The following CCDC150 variants were observed in gnomAD, a reference collection of about 807,000 sequenced individuals.
CCDC150 encodes the protein coiled-coil domain-containing protein 150.
CCDC150 carries 151 observed loss-of-function variants against 156.5 expected under a neutral mutation model. The observed-to-expected ratio is 0.97, with a 90% CI of 0.85 to 1.10. CCDC150 has a LOEUF of 1.10. CCDC150 is among the 50% of genes least tolerant of loss of function. The pLI is 0.00. For missense variants in CCDC150, 1,312 were observed against 1,268.1 expected (o/e 1.03, Z -0.53); for synonymous variants, 452 against 429.4 (o/e 1.05, Z -0.65).
rs576010065 is a variant in CCDC150, at chr2:196,731,926, A to G, written c.3070-107A>G. On this transcript the variant is annotated intron_variant, in intron 26 of 27. Transcript: ENST00000389175. ...AATAGGTTGTGAAGAACAAGCAGTC[A>G]GAATTTGGGTCTTTTAATTTCTAAG... is the stretch of plus-strand genomic sequence containing the variant. 3.0e-6 allele frequency: 3 copies of G among 992,534 alleles called. No homozygotes were observed. The East Asian group carries it at 7.9e-5, about 26-fold the overall frequency. The allele number at this position is 992,534 out of a possible 1,614,324, so 61.5% of individuals were successfully genotyped here.
chr2:196,701,079 A>T, intron 14 of CCDC150, 30 bp from the exon 15 acceptor site: 1 of 1,480,918 alleles, frequency 6.8e-7, no homozygotes, highest in Non-Finnish European at 9.3e-7. Context: ...CTATGCCTAG[A>T]GGTTCTGATG....
intron 17 of CCDC150, among the ~76,000 whole-genome samples, chr2:196,713,870 A>T (rs937752460): frequency 6.6e-6 from 1 of 152,210 alleles, no homozygotes; most frequent in African/African-American, 2.4e-5. Flanking sequence ...TTAGACATAG[A>T]ACATTTGGCG....
chr2:196,666,752 C>T lies in CCDC150; in HGVS notation c.796C>T (p.Arg266Cys), dbSNP rs574804509. ...TTTGCAGCAAAACTGCATTGCTCTACGTGATTCTATACAGAGCGCTCAAGA... is the reference window on the plus strand; with the variant it reads ...TTTGCAGCAAAACTGCATTGCTCTATGTGATTCTATACAGAGCGCTCAAGA... The part of the protein sequence containing the change: ...HILQQNCIAL[R>C]DSIQSAQELL... Residue 266 changes from arginine to cysteine, a missense_variant, in exon 7 of 28, where the codon CGT (arginine) becomes TGT (cysteine). Coordinates refer to ENST00000389175, the MANE Select transcript of CCDC150 (RefSeq NM_001080539.2). 8.8e-5 allele frequency: 141 copies of T among 1,610,798 alleles called. No homozygotes were observed. In the South Asian group the frequency reaches 9.8e-4, roughly 11 times the overall value.
At position 196,690,648 on chromosome 2, in the gene CCDC150, A is replaced by C. The variant is rs150285198; in HGVS notation, c.1510-4398A>C. ...AGAGTTACAGGATCATGTCATCTGCAAACAGGGATAGTTTGACTTCCTCTT... is the reference window on the plus strand; with the variant it reads ...AGAGTTACAGGATCATGTCATCTGCCAACAGGGATAGTTTGACTTCCTCTT... On this transcript the variant is annotated intron_variant, in intron 13 of 27. Transcript: ENST00000389175. 5.2e-3 allele frequency among the ~76,000 whole-genome samples: 790 copies of C among 151,862 alleles called. 5 individuals carry two copies. The highest frequency in any genetic ancestry group is 0.018 in the African/African-American group (758 of 41,496).
At chr2:196,713,120 A>C (rs1036046916) in intron 17 of CCDC150, 2 of 535,776 alleles carry the variant, frequency 3.7e-6, no homozygotes, top group East Asian at 6.5e-5. Flanking sequence ...AGAGTTGTTA[A>C]AGGAGGCCTC....
At chr2:196,718,781 A>G in intron 18 of CCDC150, 150 bp downstream of exon 18, 1 of 1,095,690 alleles carries the variant, frequency 9.1e-7, no homozygotes, top group Non-Finnish European at 1.2e-6. Context: ...TAATTTTAGA[A>G]TAGTTTAAAA....
chr2:196,677,002 T>C (rs961976729), intron 12 of CCDC150: 8 of 659,274 alleles, frequency 1.2e-5, no homozygotes, highest in East Asian at 2.9e-5. Flanking sequence ...ATTTTAAAAA[T>C]TGATTTCCCC....
In CCDC150 at chr2:196,715,181, A is replaced by G. The variant is rs143315485; in HGVS notation, c.1866+2442A>G. Among the ~76,000 whole-genome samples, 808 of 152,268 alleles carry G rather than the reference A, an allele frequency of 5.3e-3. 5 individuals carry two copies. The highest frequency in any genetic ancestry group is 0.019 in the African/African-American group (776 of 41,552). On this transcript the variant is annotated intron_variant, in intron 17 of 27. Coordinates refer to ENST00000389175, the MANE Select transcript of CCDC150 (RefSeq NM_001080539.2). ...TTCCTACTGATATACTGGCTTGTACACATGACATGTATACAAGGTCACTTA... is the reference window on the plus strand; with the variant it reads ...TTCCTACTGATATACTGGCTTGTACGCATGACATGTATACAAGGTCACTTA...
chr2:196,714,291 C>T (rs1697339499), intron 17 of CCDC150, among the ~76,000 whole-genome samples: 1 of 152,122 alleles, frequency 6.6e-6, no homozygotes, highest in Non-Finnish European at 1.5e-5. Flanking sequence ...GTTTTAAGTA[C>T]TCCTTTTGAG....
intron 15 of CCDC150, among the ~76,000 whole-genome samples, 164 bp downstream of exon 15, chr2:196,701,344 G>A (rs6725610): frequency 0.78 from 118,806 of 152,146 alleles, 46,579 homozygotes; most frequent in East Asian, 0.97. Context: ...GGTGACTTCT[G>A]TTTACATACT....
chr2:196,684,583 C>T (rs535704287), intron 13 of CCDC150, among the ~76,000 whole-genome samples: 1 of 152,172 alleles, frequency 6.6e-6, no homozygotes, highest in African/African-American at 2.4e-5. Flanking sequence ...TAGTGTTGTT[C>T]ATGTCTTCTG....
intron 23 of CCDC150, 32 bp downstream of exon 23, chr2:196,729,419 A>G (rs761166250): frequency 5.0e-6 from 8 of 1,596,742 alleles, no homozygotes; most frequent in African/African-American, 1.3e-5. Context: ...CACTTCCTGG[A>G]TACCCTGTGA....
At chr2:196,687,636 C>T (rs1017169974) in intron 13 of CCDC150, among the ~76,000 whole-genome samples, 6 of 152,124 alleles carry the variant, frequency 3.9e-5, no homozygotes, top group East Asian at 1.9e-4. Context: ...GCTTTCGTTG[C>T]GATTGCTTTT....
chr2:196,708,268 C>A (rs1696826795), intron 15 of CCDC150, among the ~76,000 whole-genome samples: 1 of 152,174 alleles, frequency 6.6e-6, no homozygotes, highest in Admixed American at 6.5e-5. Context: ...TAATGGCCTT[C>A]TTTGTCTCTT....
At chr2:196,718,705 T>G (rs1205615950) in intron 18 of CCDC150, 74 bp downstream of exon 18, 3 of 1,524,532 alleles carry the variant, frequency 2.0e-6, no homozygotes, top group Non-Finnish European at 2.6e-6. Context: ...AGCCATATGT[T>G]TCGCTTTCTT....
intron 8 of CCDC150, among the ~76,000 whole-genome samples, chr2:196,672,021 T>C (rs1334542407): frequency 6.6e-6 from 1 of 152,216 alleles, no homozygotes; most frequent in East Asian, 1.9e-4. Flanking sequence ...CCACCAGCAG[T>C]GAATGAGAGT....
At chr2:196,726,145 A>C (rs759508194) in intron 22 of CCDC150, 46 bp downstream of exon 22, 1 of 1,603,462 alleles carries the variant, frequency 6.2e-7, no homozygotes. Flanking sequence ...GCCTCTTAGG[A>C]TAAGCAGCTC....
At chr2:196,705,065 C>T (rs1441212156) in intron 15 of CCDC150, among the ~76,000 whole-genome samples, 1 of 152,104 alleles carries the variant, frequency 6.6e-6, no homozygotes, top group East Asian at 1.9e-4. Flanking sequence ...TGGGTATATA[C>T]CCAGTAATGG....
chr2:196,703,112 G>A (rs1696351451), intron 15 of CCDC150, among the ~76,000 whole-genome samples: 1 of 152,200 alleles, frequency 6.6e-6, no homozygotes, highest in Non-Finnish European at 1.5e-5. Flanking sequence ...TTAAATTGCA[G>A]CATGAGTTTT....
Sources: gnomAD v4.1 joint callset for allele counts (sites outside exome capture counted in the v4.1 genomes callset) on GRCh38, gnomAD v4.1.1 for gene constraint, MANE v1.5 for transcripts, NCBI Gene and HGNC (gene_info 2026-07-23, HGNC 2026-07-21) for gene names.